The following ABCC11 variants were observed in gnomAD, a reference collection of about 807,000 sequenced individuals.
The protein encoded by ABCC11 is ATP binding cassette subfamily C member 11, also known as ATP-binding cassette sub-family C member 11.
ABCC11 carries 135 observed loss-of-function variants against 149.3 expected under a neutral mutation model. That is an observed-to-expected ratio of 0.90 (90% CI 0.79 to 1.04). The LOEUF is 1.04. ABCC11 is among the 50% of genes least tolerant of loss of function. ABCC11 has a pLI of 0.00. For missense variants in ABCC11, 1,680 were observed against 1,722.1 expected (o/e 0.98, Z 0.43); for synonymous variants, 665 against 671.4 (o/e 0.99, Z 0.15).
chr16:48,211,652 T>G (rs1968935154), intron 10 of ABCC11, among the ~76,000 whole-genome samples: 1 of 151,968 alleles, frequency 6.6e-6, no homozygotes, highest in Non-Finnish European at 1.5e-5. Context: ...AAGACCAGCC[T>G]GGGGACCATA....
At chr16:48,222,394 G>A (rs186313646) in intron 6 of ABCC11, among the ~76,000 whole-genome samples, 54 of 152,228 alleles carry the variant, frequency 3.5e-4, no homozygotes, top group African/African-American at 1.2e-3. Context: ...AATGTAAGTG[G>A]CATTTCCTGC....
At chr16:48,205,286 G>T in intron 13 of ABCC11, 127 bp downstream of exon 13, 1 of 1,344,376 alleles carries the variant, frequency 7.4e-7, no homozygotes, top group Non-Finnish European at 1.0e-6. Flanking sequence ...AGTGAGGGGT[G>T]AATATGATAA....
chr16:48,234,613 T>C (rs1239744903), intron 1 of ABCC11, among the ~76,000 whole-genome samples: 2 of 152,192 alleles, frequency 1.3e-5, no homozygotes, highest in African/African-American at 4.8e-5. Flanking sequence ...TTGGCTTCCC[T>C]GTGGTATAGA....
intron 26 of ABCC11, among the ~76,000 whole-genome samples, chr16:48,173,187 C>A (rs926840233): frequency 4.6e-5 from 7 of 152,102 alleles, no homozygotes; most frequent in African/African-American, 2.4e-5. Flanking sequence ...GCCAGGCTGG[C>A]ATCAAGACAT....
At chr16:48,205,328 G>A in intron 13 of ABCC11, 85 bp downstream of exon 13, 2 of 1,560,814 alleles carry the variant, frequency 1.3e-6, no homozygotes, top group Non-Finnish European at 1.8e-6. Context: ...AGTGTTAGCA[G>A]TTGTCAGGTT....
Position 48,244,580 on chromosome 16 carries a change from T to C in ABCC11, c.-19+2734A>G, listed in dbSNP as rs369746025. ...TCCTGGGCGTCATCCCCAACACGCC[T>C]GACCCCGCCAGCGACGCGCAGGACC... On this transcript the variant is annotated intron_variant, in intron 1 of 29. Coordinates refer to ENST00000356608, the MANE Select transcript of ABCC11 (RefSeq NM_001370497.1). 1,307 of 1,502,256 alleles carry C rather than the reference T, an allele frequency of 8.7e-4. 10 individuals carry two copies. In the African/African-American group the frequency reaches 0.017, roughly 19 times the overall value. 93.1% of individuals were successfully genotyped at this position (1,502,256 alleles called of 1,614,324 possible). A position where few individuals can be genotyped will look rare whatever the true frequency, so the allele number is the denominator to read the frequency against.
In ABCC11 at chr16:48,244,275, T is replaced by C. The variant is rs1437187293; in HGVS notation, c.-19+3039A>G. Reference sequence around the variant, plus strand: ...GGGCCCGGGGACGGACCGTAGCGCGTAGCCGGAAGCGGAGGCGTGGAGGCG... The same window carrying C: ...GGGCCCGGGGACGGACCGTAGCGCGCAGCCGGAAGCGGAGGCGTGGAGGCG... On this transcript the variant is annotated intron_variant, in intron 1 of 29. Coordinates refer to ENST00000356608, the MANE Select transcript of ABCC11 (RefSeq NM_001370497.1). 6.9e-6 allele frequency: 5 copies of C among 728,272 alleles called. No individual in the cohort carries two copies. The Admixed American group carries it at 1.8e-4, about 27-fold the overall frequency. The allele number at this position is 728,272 out of a possible 1,614,324, so 45.1% of individuals were successfully genotyped here. A position where few individuals can be genotyped will look rare whatever the true frequency, so the allele number is the denominator to read the frequency against.
intron 28 of ABCC11, 21 bp from the exon 29 acceptor site, chr16:48,167,681 G>T: frequency 1.9e-6 from 3 of 1,613,484 alleles, no homozygotes; most frequent in Non-Finnish European, 2.5e-6. Flanking sequence ...CAAAACAGGG[G>T]TGAAGGTGTC....
At chr16:48,246,799 T>C (rs115809761) in intron 1 of ABCC11, among the ~76,000 whole-genome samples, 2,231 of 152,162 alleles carry the variant, frequency 0.015, 65 homozygotes, top group African/African-American at 0.052. Context: ...GGTCTCAAAC[T>C]CCTGGACTCA....
chr16:48,189,542 A>G (rs567239114), intron 20 of ABCC11, among the ~76,000 whole-genome samples: 1 of 152,354 alleles, frequency 6.6e-6, no homozygotes, highest in East Asian at 1.9e-4. Flanking sequence ...CCATGAAAGG[A>G]CTGGAAAAAG....
At chr16:48,225,263 G>A (rs981615414) in intron 4 of ABCC11, among the ~76,000 whole-genome samples, 2 of 152,038 alleles carry the variant, frequency 1.3e-5, no homozygotes. Context: ...TTACTTAATG[G>A]CATTTAATGC....
intron 6 of ABCC11, among the ~76,000 whole-genome samples, chr16:48,217,142 C>T (rs1484352180): frequency 6.6e-6 from 1 of 152,102 alleles, no homozygotes; most frequent in East Asian, 1.9e-4. Context: ...AGGCAGTGAG[C>T]CCCTTTTGCT....
chr16:48,247,056 T>C (rs1391578033), intron 1 of ABCC11, among the ~76,000 whole-genome samples: 1 of 152,308 alleles, frequency 6.6e-6, no homozygotes, highest in African/African-American at 2.4e-5. Context: ...TTGAAAAGTC[T>C]TCATAGAAGT....
chr16:48,224,493 C>A, intron 4 of ABCC11, 64 bp from the exon 5 acceptor site: 1 of 1,567,042 alleles, frequency 6.4e-7, no homozygotes, highest in South Asian at 1.2e-5. Context: ...CATCCTAGTT[C>A]TTGCTAGCCA....
intron 23 of ABCC11, among the ~76,000 whole-genome samples, chr16:48,182,467 T>G (rs1966499358): frequency 6.6e-6 from 1 of 152,114 alleles, no homozygotes; most frequent in Non-Finnish European, 1.5e-5. Flanking sequence ...CTGCATGAGA[T>G]GAGCAAAGTG....
intron 14 of ABCC11, among the ~76,000 whole-genome samples, chr16:48,201,504 G>T (rs1821013565): frequency 7.3e-6 from 1 of 137,212 alleles, no homozygotes; most frequent in Non-Finnish European, 1.5e-5. Context: ...TAGAGATGAG[G>T]TCTCACTATA....
chr16:48,245,499 T>G (rs1367332954), intron 1 of ABCC11, among the ~76,000 whole-genome samples: 1 of 152,224 alleles, frequency 6.6e-6, no homozygotes, highest in Non-Finnish European at 1.5e-5. Context: ...TGTCCAGTAC[T>G]GTGTAGTGCA....
intron 1 of ABCC11, among the ~76,000 whole-genome samples, chr16:48,236,175 T>C (rs889442468): frequency 3.9e-5 from 6 of 152,220 alleles, no homozygotes; most frequent in Non-Finnish European, 7.3e-5. Context: ...GAGGGCATCT[T>C]GTTGCCTGAA....
chr16:48,222,879 C>T (rs374515287), intron 5 of ABCC11, 48 bp from the exon 6 acceptor site: 5 of 1,487,948 alleles, frequency 3.4e-6, no homozygotes, highest in East Asian at 2.3e-5. Context: ...CTGCCAGACA[C>T]GTTTGATGTT....
Sources: gnomAD v4.1 joint callset for allele counts (sites outside exome capture counted in the v4.1 genomes callset) on GRCh38, gnomAD v4.1.1 for gene constraint, MANE v1.5 for transcripts, NCBI Gene and HGNC (gene_info 2026-07-23, HGNC 2026-07-21) for gene names.